Variants in CCDC152 observed in about 807,000 individuals in gnomAD.
The protein encoded by CCDC152 is coiled-coil domain-containing protein 152.
CCDC152 carries 37 observed loss-of-function variants against 38.1 expected under a neutral mutation model. That is an observed-to-expected ratio of 0.97 (90% confidence interval 0.75 to 1.28). CCDC152 has a LOEUF of 1.28. Among genes scored for constraint, CCDC152 ranks in the 50% most tolerant of loss-of-function variants. CCDC152 has a pLI of 0.00. For synonymous variants in CCDC152, 83 were observed against 87.1 expected (o/e 0.95, Z 0.26); for missense variants, 259 against 292.1 (o/e 0.89, Z 0.83).
At chr5:42,789,500 T>C (rs1440402550) in intron 6 of CCDC152, among the ~76,000 whole-genome samples, 1 of 152,204 alleles carries the variant, frequency 6.6e-6, no homozygotes, top group Non-Finnish European at 1.5e-5. Flanking sequence ...ACCTAGCCCC[T>C]TGATGCATTT....
At chr5:42,779,186 G>T (rs527941269) in intron 4 of CCDC152, among the ~76,000 whole-genome samples, 2 of 152,070 alleles carry the variant, frequency 1.3e-5, no homozygotes, top group African/African-American at 4.8e-5. Context: ...GGTTCCTGTA[G>T]TATTTCAGAT....
chr5:42,765,547 T>C (rs1759613030), intron 3 of CCDC152, among the ~76,000 whole-genome samples: 1 of 152,148 alleles, frequency 6.6e-6, no homozygotes, highest in Non-Finnish European at 1.5e-5. Flanking sequence ...AACAGTATGA[T>C]ACTGGCATAA....
chr5:42,769,049 G>A (rs1208593532), intron 3 of CCDC152, among the ~76,000 whole-genome samples: 7 of 152,062 alleles, frequency 4.6e-5, no homozygotes, highest in Non-Finnish European at 7.4e-5. Context: ...AGGAGTTCGA[G>A]ACCGCATGGC....
At chr5:42,760,203 C>T (rs2111933198) in intron 2 of CCDC152, among the ~76,000 whole-genome samples, 1 of 150,950 alleles carries the variant, frequency 6.6e-6, no homozygotes, top group Non-Finnish European at 1.5e-5. Flanking sequence ...ACTCCGGAGG[C>T]TGACGCAGGA....
intron 4 of CCDC152, among the ~76,000 whole-genome samples, chr5:42,777,023 T>C (rs552290605): frequency 6.6e-6 from 1 of 151,276 alleles, no homozygotes; most frequent in East Asian, 1.9e-4. Flanking sequence ...ACAAATTAAA[T>C]CCAAAATAAG....
chr5:42,758,508 CCAGT>C (rs1759509897), intron 1 of CCDC152, among the ~76,000 whole-genome samples: 2 of 152,176 alleles, frequency 1.3e-5, no homozygotes, highest in South Asian at 4.1e-4. Flanking sequence ...GTAAACTCAT[CCAGT>C]CAGAATGGAT....
At chr5:42,768,452 A>G (rs1271392747) in intron 3 of CCDC152, among the ~76,000 whole-genome samples, 1 of 152,214 alleles carries the variant, frequency 6.6e-6, no homozygotes, top group Non-Finnish European at 1.5e-5. Flanking sequence ...TACCACTACT[A>G]TTGCTGTCCA....
chr5:42,775,233 C>T (rs1269278694), intron 4 of CCDC152, among the ~76,000 whole-genome samples: 1 of 151,908 alleles, frequency 6.6e-6, no homozygotes, highest in African/African-American at 2.4e-5. Flanking sequence ...CAGTGAACAC[C>T]AAGCAGGGTA....
rs116791965 is a variant in CCDC152 at position 42,783,479 on chromosome 5, T to C, written c.333T>C (p.Tyr111=). ...KEKLKSHEQE[Y]KNNIAKLVSE... The stretch of plus-strand genomic sequence containing the variant: ...ATATATATTTTAATCTTTAGGAATA[T>C]AAGAATAATATTGCCAAACTTGTAA... Residue 111 remains tyrosine (Y), a synonymous_variant, in exon 6 of 9, where the codon TAT becomes TAC. Coordinates refer to ENST00000361970, the MANE Select transcript of CCDC152 (RefSeq NM_001134848.2). 0.017 allele frequency: 20,865 copies of C among 1,259,448 alleles called. 202 individuals carry two copies. Among genetic ancestry groups the C allele is most frequent in the Non-Finnish European group, 0.019 (18,948 of 976,602 alleles). 78.0% of individuals were successfully genotyped at this position (1,259,448 alleles called of 1,614,324 possible).
intron 3 of CCDC152, among the ~76,000 whole-genome samples, chr5:42,765,876 C>A (rs547879125): frequency 6.6e-6 from 1 of 152,190 alleles, no homozygotes; most frequent in African/African-American, 2.4e-5. Context: ...AGCAATAACC[C>A]ACAAGCACAA....
At position 42,759,157 on chromosome 5, in the gene CCDC152, T is replaced by G. The variant is rs147430130; in HGVS notation, c.36T>G (p.Ile12Met). Reference sequence around the variant, plus strand: ...GCAGTGAAGGATGTATGAAAAAGATTAGCAGTGTGAATCTTGACAAACTTA... The same window carrying G: ...GCAGTGAAGGATGTATGAAAAAGATGAGCAGTGTGAATCTTGACAAACTTA... ...DQSSEGCMKK[I>M]SSVNLDKLIN... The change falls in exon 2 of 9, where the codon ATT becomes ATG. Residue 12 changes from isoleucine (I) to methionine (M), a missense_variant. By Grantham distance (10) the Ile-to-Met change is conservative. Transcript: ENST00000361970. 166 of 1,551,262 alleles carry G rather than the reference T, an allele frequency of 1.1e-4. No individual in the cohort carries two copies. In the African/African-American group the frequency reaches 2.1e-3, roughly 19 times the overall value.
At chr5:42,784,568 T>A (rs1315165012) in intron 6 of CCDC152, among the ~76,000 whole-genome samples, 1 of 152,108 alleles carries the variant, frequency 6.6e-6, no homozygotes, top group African/African-American at 2.4e-5. Flanking sequence ...TGTCTGTTTA[T>A]GCTGTTGATT....
At chr5:42,770,673 G>T in intron 4 of CCDC152, among the ~76,000 whole-genome samples, 1 of 152,116 alleles carries the variant, frequency 6.6e-6, no homozygotes, top group East Asian at 1.9e-4. Context: ...CTTCTGTAAA[G>T]AATGTCATTG....
Position 42,769,620 on chromosome 5 carries a change from A to C in CCDC152, c.217A>C (p.Ile73Leu), listed in dbSNP as rs766116689. The C allele has an allele frequency of 1.3e-5, 20 of 1,492,108 alleles. No homozygotes were observed. Among genetic ancestry groups the C allele is most frequent in the Non-Finnish European group, 1.8e-5 (20 of 1,120,054 alleles). The allele number at this position is 1,492,108 out of a possible 1,614,324, so 92.4% of individuals were successfully genotyped here. Residue 73 changes from isoleucine to leucine, a missense_variant, in exon 4 of 9, where the codon ATA becomes CTA. By Grantham distance (5) the Ile-to-Leu change is conservative (BLOSUM62 2). Transcript: ENST00000361970. ...AGAATGTGCTACTCTTCATAATATA[A>C]TAAAAGGGCTACAACAGACCATTGA... ...KEECATLHNI[I>L]KGLQQTIEYQ...
At chr5:42,759,683 T>C (rs922265108) in intron 2 of CCDC152, among the ~76,000 whole-genome samples, 17 of 152,224 alleles carry the variant, frequency 1.1e-4, no homozygotes, top group Non-Finnish European at 2.1e-4. Context: ...AGTGTATCCA[T>C]GTTGTATTAT....
At chr5:42,797,063 CTG>C in intron 7 of CCDC152, 107 bp downstream of exon 7, 1 of 814,028 alleles carries the variant, frequency 1.2e-6, no homozygotes, top group Non-Finnish European at 1.9e-6. Context: ...AGAAGCAATT[CTG>C]TGAGAGGGCT....
At chr5:42,790,231 G>A (rs933975203) in intron 6 of CCDC152, among the ~76,000 whole-genome samples, 3 of 152,170 alleles carry the variant, frequency 2.0e-5, no homozygotes, top group African/African-American at 7.2e-5. Context: ...CAGCACTTTG[G>A]GAGGCCAAGG....
At chr5:42,760,828 A>C (rs989784332) in intron 2 of CCDC152, among the ~76,000 whole-genome samples, 2 of 152,226 alleles carry the variant, frequency 1.3e-5, no homozygotes, top group African/African-American at 2.4e-5. Flanking sequence ...ATAAGAGATA[A>C]AAGAGAAAGG....
chr5:42,791,940 C>A (rs1044041713), intron 6 of CCDC152, among the ~76,000 whole-genome samples: 19 of 152,154 alleles, frequency 1.2e-4, no homozygotes, highest in Admixed American at 1.2e-3. Flanking sequence ...CCCTTATCTC[C>A]CAGCCAAGTT....
Sources: allele counts gnomAD v4.1 joint callset (sites outside exome capture counted in the v4.1 genomes callset), GRCh38; gene constraint gnomAD v4.1.1; transcripts MANE v1.5; gene names NCBI Gene and HGNC (gene_info 2026-07-23, HGNC 2026-07-21).